Variants in LYPD6 observed in about 807,000 individuals in gnomAD.
The protein encoded by LYPD6 is ly6/PLAUR domain-containing protein 6.
LYPD6 carries 15 observed loss-of-function variants against 22.7 expected under a neutral mutation model. That is an observed-to-expected ratio of 0.66 (90% CI 0.44 to 1.02). The LOEUF (loss-of-function observed/expected upper bound fraction) is 1.02. Among genes scored for constraint, LYPD6 ranks in the 50% least tolerant of loss-of-function variants. The pLI, the probability that LYPD6 is intolerant of heterozygous loss-of-function variation, is 0.00. For missense variants in LYPD6, 189 were observed against 208.4 expected, an observed-to-expected ratio of 0.91 and a Z score of 0.57; for synonymous variants, 72 against 77.5, an observed-to-expected ratio of 0.93 and a Z score of 0.37.
intron 1 of LYPD6, among the ~76,000 whole-genome samples, chr2:149,362,460 T>C (rs1338022899): frequency 6.6e-6 from 1 of 152,040 alleles, no homozygotes; most frequent in African/African-American, 2.4e-5. Context: ...TATAATGTAA[T>C]AGGAATAAAT....
intron 1 of LYPD6, among the ~76,000 whole-genome samples, chr2:149,389,889 C>G (rs1682272515): frequency 6.6e-6 from 1 of 152,152 alleles, no homozygotes; most frequent in African/African-American, 2.4e-5. Flanking sequence ...ACTGAACTGT[C>G]ATTTGTATGG....
intron 1 of LYPD6, among the ~76,000 whole-genome samples, chr2:149,420,630 C>G (rs1283271418): frequency 6.6e-6 from 1 of 152,122 alleles, no homozygotes; most frequent in Non-Finnish European, 1.5e-5. Flanking sequence ...AGAATCCCAT[C>G]AGGTTTAGGG....
Position 149,470,728 on chromosome 2 carries a change from C to T in LYPD6, c.394C>T (p.Pro132Ser), listed in dbSNP as rs1228232667. 9 of 1,613,664 alleles carry T rather than the reference C, an allele frequency of 5.6e-6. No individual in the cohort carries two copies. The highest frequency in any genetic ancestry group is 1.1e-5 in the South Asian group (1 of 91,032). Residue 132 changes from proline (P) to serine (S), a missense_variant, in exon 5 of 5, where the codon CCC becomes TCC. Transcript: ENST00000334166. ...AGGAAATATCTGTAACTTGCCACTGCCCCGAAATGAAACTGATGCCACATT... is the reference window on the plus strand; with the variant it reads ...AGGAAATATCTGTAACTTGCCACTGTCCCGAAATGAAACTGATGCCACATT... Reference protein sequence around the residue: ...CEGNICNLPLPRNETDATFAT... With the variant: ...CEGNICNLPLSRNETDATFAT...
chr2:149,433,239 C>T (rs1420102299), intron 1 of LYPD6, among the ~76,000 whole-genome samples: 4 of 152,102 alleles, frequency 2.6e-5, no homozygotes, highest in African/African-American at 9.7e-5. Context: ...AATTTGAAAA[C>T]TTGTGCTAAA....
At chr2:149,431,672 G>A (rs1366251292) in intron 1 of LYPD6, among the ~76,000 whole-genome samples, 1 of 152,158 alleles carries the variant, frequency 6.6e-6, no homozygotes, top group Non-Finnish European at 1.5e-5. Context: ...AAGTAGACAA[G>A]TTATTTTACT....
intron 3 of LYPD6, among the ~76,000 whole-genome samples, chr2:149,451,592 G>A (rs909002427): frequency 5.9e-5 from 9 of 152,170 alleles, no homozygotes; most frequent in African/African-American, 2.2e-4. Context: ...AACACTGCTT[G>A]AATGCCTCAC....
At chr2:149,388,013 A>T (rs1682225781) in intron 1 of LYPD6, among the ~76,000 whole-genome samples, 1 of 152,190 alleles carries the variant, frequency 6.6e-6, no homozygotes, top group South Asian at 2.1e-4. Context: ...TCATTTTGGA[A>T]AATGTATTGT....
chr2:149,356,498 T>TC (rs1553515010), intron 1 of LYPD6, among the ~76,000 whole-genome samples: 1 of 152,226 alleles, frequency 6.6e-6, no homozygotes, highest in Non-Finnish European at 1.5e-5. Flanking sequence ...CTGGATGTCT[T>TC]CTTTTTCCCC....
chr2:149,417,085 A>G (rs1001307870), intron 1 of LYPD6, among the ~76,000 whole-genome samples: 2 of 152,150 alleles, frequency 1.3e-5, no homozygotes, highest in Non-Finnish European at 2.9e-5. Context: ...GGCATGCCCA[A>G]TAGAACCCAG....
chr2:149,413,871 G>C (rs1465510654), intron 1 of LYPD6, among the ~76,000 whole-genome samples: 1 of 152,164 alleles, frequency 6.6e-6, no homozygotes, highest in Non-Finnish European at 1.5e-5. Context: ...TCTAATTCTG[G>C]GGTCCATCCG....
At chr2:149,386,136 C>T (rs1682179359) in intron 1 of LYPD6, among the ~76,000 whole-genome samples, 1 of 152,138 alleles carries the variant, frequency 6.6e-6, no homozygotes, top group South Asian at 2.1e-4. Context: ...GGGGAAGTTA[C>T]CCCTTCTTGA....
At chr2:149,382,855 T>C (rs915057438) in intron 1 of LYPD6, among the ~76,000 whole-genome samples, 2 of 152,072 alleles carry the variant, frequency 1.3e-5, no homozygotes, top group Non-Finnish European at 1.5e-5. Context: ...TTCTTTAAGA[T>C]AGATTAAGTT....
chr2:149,421,336 G>C (rs1371046012), intron 1 of LYPD6, among the ~76,000 whole-genome samples: 1 of 145,838 alleles, frequency 6.9e-6, no homozygotes, highest in East Asian at 2.0e-4. Flanking sequence ...GTTGCAGTGA[G>C]CTGAGATCAT....
chr2:149,399,153 A>G (rs1682495744), intron 1 of LYPD6, among the ~76,000 whole-genome samples: 1 of 152,218 alleles, frequency 6.6e-6, no homozygotes, highest in Non-Finnish European at 1.5e-5. Context: ...CTGTTTATGA[A>G]TTATAGTAGA....
intron 3 of LYPD6, among the ~76,000 whole-genome samples, chr2:149,463,333 T>G (rs1681127785): frequency 6.6e-6 from 1 of 152,100 alleles, no homozygotes; most frequent in Non-Finnish European, 1.5e-5. Flanking sequence ...ACATGAGATA[T>G]TATGATACTT....
At chr2:149,342,321 T>G (rs1681178918) in intron 1 of LYPD6, among the ~76,000 whole-genome samples, 1 of 152,224 alleles carries the variant, frequency 6.6e-6, no homozygotes, top group Non-Finnish European at 1.5e-5. Context: ...ACCATATCAG[T>G]GGGTAATTTC....
intron 1 of LYPD6, among the ~76,000 whole-genome samples, chr2:149,394,558 A>G (rs1437234118): frequency 2.0e-5 from 3 of 152,194 alleles, no homozygotes; most frequent in Non-Finnish European, 2.9e-5. Context: ...GATCACATAA[A>G]GTAAAAACTA....
chr2:149,485,832 C>G, the LYPD6 span, among the ~76,000 whole-genome samples: 4 of 152,232 alleles, frequency 2.6e-5, no homozygotes, highest in South Asian at 8.3e-4. Flanking sequence ...ACAAAATGTA[C>G]ATGGGAAGCA....
chr2:149,451,979 A>G (rs1573819429), intron 3 of LYPD6, among the ~76,000 whole-genome samples: 1 of 152,346 alleles, frequency 6.6e-6, no homozygotes, highest in East Asian at 1.9e-4. Flanking sequence ...GGGAGTTTAC[A>G]GGAAGAAGAG....
Sources: allele counts gnomAD v4.1 joint callset (sites outside exome capture counted in the v4.1 genomes callset), GRCh38; gene constraint gnomAD v4.1.1; transcripts MANE v1.5; gene names NCBI Gene and HGNC (gene_info 2026-07-23, HGNC 2026-07-21).